Variants in PSMD3 observed in about 807,000 individuals in gnomAD.
PSMD3 encodes 26S proteasome non-ATPase regulatory subunit 3.
A neutral mutation model predicts 62.8 loss-of-function variants in PSMD3; 5 were observed. The ratio of observed to expected loss-of-function variants is 0.08; its 90% confidence interval spans 0.04 to 0.17. The LOEUF is 0.17. Ranked by LOEUF, PSMD3 falls within the 10% of genes least tolerant of loss-of-function variation. The probability of loss-of-function intolerance (pLI) is 1.00; values close to 1 mark genes in which losing one functional copy is unlikely to be tolerated. For missense variants in PSMD3, 524 were observed against 713.6 expected (o/e 0.73, Z 3.03); for synonymous variants, 265 against 283.9 (o/e 0.93, Z 0.67).
intron 2 of PSMD3, 106 bp downstream of exon 2, chr17:39,984,590 A>G: frequency 8.8e-7 from 1 of 1,140,842 alleles, no homozygotes; most frequent in Non-Finnish European, 1.2e-6. Flanking sequence ...TGGTAGCATG[A>G]GGAGAGAAGC....
chr17:39,989,976 G>A, intron 5 of PSMD3, 47 bp downstream of exon 5: 2 of 1,594,362 alleles, frequency 1.3e-6, no homozygotes, highest in South Asian at 2.2e-5. Flanking sequence ...TCTCAGGCCT[G>A]CCTGGTGCAA....
At position 39,984,170 on chromosome 17, in the gene PSMD3, G is replaced by A. The variant is rs528864891; in HGVS notation, c.221-124G>A. The A allele has an allele frequency of 1.8e-4, 156 of 870,944 alleles. 1 individual carries two copies. In the Admixed American group the frequency reaches 2.2e-3, roughly 12 times the overall value. 54.0% of individuals were successfully genotyped at this position (870,944 alleles called of 1,614,324 possible). A position where few individuals can be genotyped will look rare whatever the true frequency, so the allele number is the denominator to read the frequency against. ...AGCCGAGATCACACCACTGCACTCC[G>A]GCCTGGGCGACAGAGTGAGACTCCG... is the stretch of plus-strand genomic sequence containing the variant. On this transcript the variant is annotated intron_variant, in intron 1 of 11. Coordinates refer to ENST00000264639, the MANE Select transcript of PSMD3 (RefSeq NM_002809.4).
In PSMD3 at chr17:39,981,057, G is replaced by A; in HGVS notation, c.87G>A (p.Pro29=). ...PGGGEQEPPP[P]PAPQDVEMKE... is the part of the protein sequence containing the mutation. ...GAGGAGAACAAGAACCCCCACCGCC[G>A]CCGGCCCCCCAGGATGTGGAGATGA... Residue 29 remains proline (P), a synonymous_variant, in exon 1 of 12, where the codon CCG becomes CCA. Coordinates refer to ENST00000264639, the MANE Select transcript of PSMD3 (RefSeq NM_002809.4). The A allele has an allele frequency of 6.5e-7, 1 of 1,550,010 alleles. No homozygotes were observed. The highest frequency in any genetic ancestry group is 1.2e-5 in the South Asian group (1 of 84,026).
chr17:39,987,790 T>G (rs1980560254), intron 3 of PSMD3, among the ~76,000 whole-genome samples: 2 of 152,180 alleles, frequency 1.3e-5, no homozygotes, highest in South Asian at 4.1e-4. Flanking sequence ...GCTGTTTGTT[T>G]TTGAGATATA....
At chr17:39,988,868 G>A (rs781742414) in intron 4 of PSMD3, 49 bp downstream of exon 4, 3 of 1,599,836 alleles carry the variant, frequency 1.9e-6, no homozygotes, top group Non-Finnish European at 2.6e-6. Flanking sequence ...TCAGAGACTT[G>A]GTCAGTCACA....
chr17:39,983,391 C>G (rs1980434344), intron 1 of PSMD3, among the ~76,000 whole-genome samples: 1 of 152,168 alleles, frequency 6.6e-6, no homozygotes, highest in Admixed American at 6.5e-5. Flanking sequence ...TGCAATTACT[C>G]AAATACTAAT....
At position 39,997,396 on chromosome 17, in the gene PSMD3, TC is replaced by T; in HGVS notation, c.1527+17del. 6.2e-7 allele frequency: 1 copy of T among 1,614,104 alleles called. No homozygotes were observed. ...GTCTGCAGAGGTAAGCTCTCTGCTT[TC>T]TGGGTGAGACCGAAAGGTCAAACTT... On this transcript the variant is annotated intron_variant, in intron 11 of 11. Coordinates refer to ENST00000264639, the MANE Select transcript of PSMD3 (RefSeq NM_002809.4).
intron 6 of PSMD3, chr17:39,994,294 G>A (rs1224094257): frequency 6.5e-6 from 1 of 152,786 alleles, no homozygotes; most frequent in Non-Finnish European, 1.5e-5. Flanking sequence ...CGTGCCTCCT[G>A]TTTGCTGGTG....
chr17:39,984,095 G>A (rs1187020751), intron 1 of PSMD3, among the ~76,000 whole-genome samples, 199 bp from the exon 2 acceptor site: 3 of 151,362 alleles, frequency 2.0e-5, no homozygotes, highest in African/African-American at 7.3e-5. Context: ...AGCTACTCGG[G>A]AGGCTGAGGC....
chr17:39,981,240 C>T (rs781026104), intron 1 of PSMD3, 50 bp downstream of exon 1: 8 of 1,546,176 alleles, frequency 5.2e-6, no homozygotes, highest in South Asian at 3.6e-5. Context: ...TGACAGCGAC[C>T]CCTGTGATTT....
At position 39,995,104 on chromosome 17, in the gene PSMD3, C is replaced by T; in HGVS notation, c.1096+36C>T. ...CTTCCCCACCCCAGAGCCCACTAGG[C>T]CCCCTTCAGTGGGGCCTCTTACATG... On this transcript the variant is annotated intron_variant, in intron 7 of 11. Coordinates refer to ENST00000264639, the MANE Select transcript of PSMD3 (RefSeq NM_002809.4). This position sits in a 1 kb window ranked among gnomAD's most constrained non-coding sequence, Gnocchi z 4.1. 2 of 1,613,824 alleles carry T rather than the reference C, an allele frequency of 1.2e-6. No individual in the cohort carries two copies. The highest frequency in any genetic ancestry group is 1.7e-6 in the Non-Finnish European group (2 of 1,179,786).
At chr17:39,984,792 G>A (rs1225993990) in intron 2 of PSMD3, among the ~76,000 whole-genome samples, 1 of 152,186 alleles carries the variant, frequency 6.6e-6, no homozygotes, top group Non-Finnish European at 1.5e-5. Flanking sequence ...GGAGAGAGAA[G>A]GTGCTGCTGC....
In PSMD3 at chr17:39,981,093, A is replaced by T. The variant is rs993184620; in HGVS notation, c.123A>T (p.Ala41=). The change falls in exon 1 of 12, where the codon GCA becomes GCT. Residue 41 remains alanine, a synonymous_variant. Transcript: ENST00000264639. ...AGGATGTGGAGATGAAAGAGGAGGCAGCGACGGGTGGCGGGTCGACGGGGG... is the reference window on the plus strand; with the variant it reads ...AGGATGTGGAGATGAAAGAGGAGGCTGCGACGGGTGGCGGGTCGACGGGGG... The part of the protein sequence containing the change: ...APQDVEMKEE[A]ATGGGSTGEA... 2.2e-5 allele frequency: 34 copies of T among 1,550,556 alleles called. No individual in the cohort carries two copies. Among genetic ancestry groups the T allele is most frequent in the Non-Finnish European group, 3.0e-5 (34 of 1,146,678 alleles).
At chr17:39,983,032 A>G (rs1359981887) in intron 1 of PSMD3, among the ~76,000 whole-genome samples, 1 of 151,710 alleles carries the variant, frequency 6.6e-6, no homozygotes. Flanking sequence ...ACTGTACTCT[A>G]TAATTTTTTT....
rs1368567830 is a variant in PSMD3 at position 39,995,607 on chromosome 17, G to T, written c.1320+80G>T. 5 of 1,375,278 alleles carry T rather than the reference G, an allele frequency of 3.6e-6. No homozygotes were observed. The Middle Eastern group carries it at 5.4e-4, about 149-fold the overall frequency. The allele number at this position is 1,375,278 out of a possible 1,614,324, so 85.2% of individuals were successfully genotyped here. A position where few individuals can be genotyped will look rare whatever the true frequency, so the allele number is the denominator to read the frequency against. On this transcript the variant is annotated intron_variant, in intron 9 of 11. Transcript: ENST00000264639. The surrounding 1 kb of genome is among the most constrained non-coding windows in gnomAD (Gnocchi z 4.1). Reference sequence around the variant, plus strand: ...AGGAGGCAGGAGTGGGAGGAGTTTGGCCAAGGAGGGGAATAGGTAAAGCAA... The same window carrying T: ...AGGAGGCAGGAGTGGGAGGAGTTTGTCCAAGGAGGGGAATAGGTAAAGCAA...
chr17:39,987,113 T>A (rs1478504343), intron 3 of PSMD3, among the ~76,000 whole-genome samples: 1 of 152,204 alleles, frequency 6.6e-6, no homozygotes, highest in Non-Finnish European at 1.5e-5. Context: ...AAATAATTTG[T>A]TTAGAAATAC....
chr17:39,984,402 A>G lies in PSMD3; in HGVS notation c.329A>G (p.His110Arg), dbSNP rs780840230. The G allele has an allele frequency of 1.9e-6, 3 of 1,613,668 alleles. No individual in the cohort carries two copies. The highest frequency in any genetic ancestry group is 2.2e-5 in the South Asian group (2 of 91,036). The stretch of plus-strand genomic sequence containing the variant: ...CCTTCCACATCACGCCGCCTCAACC[A>G]CTATGTTCTGTATAAGGCTGTGCAG... Reference protein sequence around the residue: ...MLPSTSRRLNHYVLYKAVQGF... With the variant: ...MLPSTSRRLNRYVLYKAVQGF... Residue 110 changes from histidine (H) to arginine (R), a missense_variant, in exon 2 of 12, where the codon CAC becomes CGC. By Grantham distance (29) the His-to-Arg change is conservative (BLOSUM62 0). Around this residue, in one of 4 missense-constraint regions of PSMD3, gnomAD observed 396 missense variants for 475.8 expected, o/e 0.83. Coordinates refer to ENST00000264639, the MANE Select transcript of PSMD3 (RefSeq NM_002809.4).
chr17:39,989,392 C>T (rs1980600979), intron 4 of PSMD3, among the ~76,000 whole-genome samples: 1 of 152,196 alleles, frequency 6.6e-6, no homozygotes, highest in Non-Finnish European at 1.5e-5. Flanking sequence ...CTGCCTTGGC[C>T]AAGCTATTGA....
intron 6 of PSMD3, among the ~76,000 whole-genome samples, chr17:39,992,381 C>T (rs983090292): frequency 6.6e-5 from 10 of 152,130 alleles, no homozygotes; most frequent in Admixed American, 3.3e-4. Flanking sequence ...TCTGCCCTCA[C>T]ACACCTTTGC....
Sources: gnomAD v4.1 joint callset for allele counts (sites outside exome capture counted in the v4.1 genomes callset) on GRCh38, gnomAD v4.1.1 for gene constraint, gnomAD v4.1.1 regional missense constraint, Gnocchi (gnomAD v3.1) non-coding constraint, MANE v1.5 for transcripts, NCBI Gene and HGNC (gene_info 2026-07-23, HGNC 2026-07-21) for gene names.